The following MAP3K15 variants were observed in gnomAD, a reference collection of about 807,000 sequenced individuals.
MAP3K15 encodes the protein mitogen-activated protein kinase kinase kinase 15, also known as MAPK/ERK kinase kinase 15.
A neutral mutation model predicts 99.5 loss-of-function variants in MAP3K15; 124 were observed. The observed-to-expected ratio is 1.25, with a 90% CI of 1.08 to 1.45. The LOEUF is 1.45. Among genes scored for constraint, MAP3K15 ranks in the 40% most tolerant of loss-of-function variants. The pLI, the probability that MAP3K15 is intolerant of heterozygous loss-of-function variation, is 0.00. For missense variants in MAP3K15, 1,242 were observed against 1,079.7 expected, an observed-to-expected ratio of 1.15 and a Z score of -2.11; for synonymous variants, 494 against 439.6, an observed-to-expected ratio of 1.12 and a Z score of -1.55.
At chrX:19,496,806 C>T (rs758936472) in intron 1 of MAP3K15, 1 of 111,784 alleles carries the variant, frequency 8.9e-6, no homozygotes, top group Non-Finnish European at 1.9e-5. Context: ...AAGATCATCA[C>T]TAAGCATCCG....
intron 6 of MAP3K15, among the ~76,000 whole-genome samples, chrX:19,435,918 C>T (rs1367487284): frequency 3.6e-5 from 4 of 112,019 alleles, no homozygotes; most frequent in African/African-American, 1.3e-4. Context: ...CTTTGGGAGG[C>T]CAAGGCGGGC....
intron 18 of MAP3K15, among the ~76,000 whole-genome samples, chrX:19,386,184 C>T (rs1006136991): frequency 5.4e-5 from 6 of 111,672 alleles, no homozygotes; most frequent in Admixed American, 2.9e-4. Context: ...AGGCCAGGCA[C>T]GGTGGCTCAC....
At chrX:19,457,376 C>T (rs957760739) in intron 5 of MAP3K15, among the ~76,000 whole-genome samples, 1 of 111,726 alleles carries the variant, frequency 9.0e-6, no homozygotes, top group Non-Finnish European at 1.9e-5. Context: ...CTTTGAGAGG[C>T]GGAGGTGGGT....
chrX:19,366,255 C>T (rs2063334256), intron 25 of MAP3K15, among the ~76,000 whole-genome samples: 1 of 110,989 alleles, frequency 9.0e-6, no homozygotes, highest in Non-Finnish European at 1.9e-5. Flanking sequence ...AGTAGTCCTC[C>T]TTTTACGTTA....
intron 9 of MAP3K15, among the ~76,000 whole-genome samples, chrX:19,424,120 T>C (rs1190273593): frequency 9.1e-6 from 1 of 109,966 alleles, no homozygotes; most frequent in African/African-American, 3.3e-5. Context: ...ATCCTTTCAT[T>C]GTAATAAACC....
At chrX:19,445,249 G>A (rs912508552) in intron 6 of MAP3K15, among the ~76,000 whole-genome samples, 1 of 110,013 alleles carries the variant, frequency 9.1e-6, no homozygotes, top group Non-Finnish European at 1.9e-5. Context: ...TTTGGGGTGG[G>A]GGGAGACCTA....
chrX:19,368,860 T>A (rs973362263), intron 25 of MAP3K15, among the ~76,000 whole-genome samples, 194 bp downstream of exon 25: 4 of 108,192 alleles, frequency 3.7e-5, no homozygotes, highest in Non-Finnish European at 7.6e-5. Context: ...TTTTTTTTTT[T>A]AAAGGAAGGC....
At chrX:19,472,995 C>T (rs773871228) in intron 3 of MAP3K15, among the ~76,000 whole-genome samples, 146 of 112,234 alleles carry the variant, frequency 1.3e-3, no homozygotes, top group African/African-American at 4.6e-3. Flanking sequence ...AGGCAGAGCA[C>T]TAGCAGCAGA....
chrX:19,402,532 G>A (rs1025840547), intron 13 of MAP3K15, among the ~76,000 whole-genome samples: 2 of 111,456 alleles, frequency 1.8e-5, no homozygotes, highest in South Asian at 3.8e-4. Flanking sequence ...AATGTTCATA[G>A]TCATTTTCTT....
chrX:19,419,190 T>C (rs1691761645), intron 9 of MAP3K15, among the ~76,000 whole-genome samples: 1 of 111,094 alleles, frequency 9.0e-6, no homozygotes, highest in Non-Finnish European at 1.9e-5. Context: ...ACATAACAAT[T>C]TTAACCTTAA....
intron 3 of MAP3K15, among the ~76,000 whole-genome samples, chrX:19,465,318 T>C (rs2064158647): frequency 8.9e-6 from 1 of 111,922 alleles, no homozygotes; most frequent in African/African-American, 3.2e-5. Context: ...GTCAATGTTG[T>C]CTTAGACAAA....
chrX:19,491,325 T>C lies in MAP3K15; in HGVS notation c.362-2358A>G, dbSNP rs2064367181. ...ACCAGAAGGAAGGGGATGGTTAGGATCACCATGAGGGCAGCCAAAATAAGG... is the reference window on the plus strand; with the variant it reads ...ACCAGAAGGAAGGGGATGGTTAGGACCACCATGAGGGCAGCCAAAATAAGG... On this transcript the variant is annotated intron_variant, in intron 1 of 28. Transcript: ENST00000338883. Among the ~76,000 whole-genome samples, 5 of 110,757 alleles carry C rather than the reference T, an allele frequency of 4.5e-5. No homozygotes were observed. The Admixed American group carries it at 4.8e-4, about 11-fold the overall frequency.
chrX:19,482,192 A>G (rs2147391855), intron 3 of MAP3K15: 1 of 108,089 alleles, frequency 9.3e-6, no homozygotes, highest in East Asian at 2.9e-4. Context: ...AAAAAAAAAA[A>G]AAAAGCCTAT....
At chrX:19,460,174 A>C in intron 4 of MAP3K15, 21 bp from the exon 5 acceptor site, 1 of 1,123,794 alleles carries the variant, frequency 8.9e-7, no homozygotes, top group Non-Finnish European at 1.2e-6. Flanking sequence ...AAAAACACAA[A>C]ATCCTCCAGT....
Position 19,386,923 on chromosome X carries a change from G to C in MAP3K15, c.2431+5079C>G, listed in dbSNP as rs1180405718. 8.1e-5 allele frequency among the ~76,000 whole-genome samples: 9 copies of C among 111,409 alleles called. No homozygotes were observed. In the Admixed American group the frequency reaches 8.6e-4, roughly 11 times the overall value. ...CTGTCCCCAAAAGGGCGTGGGCCCA[G>C]GGCAACTCAAGCCACTCAATACCAA... On this transcript the variant is annotated intron_variant, in intron 18 of 28. Transcript: ENST00000338883.
rs1380348884 is a variant in MAP3K15 at position 19,411,151 on chromosome X, T to A, written c.1699-1178A>T. 2.8e-5 allele frequency among the ~76,000 whole-genome samples: 3 copies of A among 107,313 alleles called. No homozygotes were observed. In the East Asian group the frequency reaches 8.7e-4, roughly 31 times the overall value. The allele number at this position is 107,313 out of a possible 115,157, so 93.2% of individuals were successfully genotyped here. On this transcript the variant is annotated intron_variant, in intron 11 of 28. Coordinates refer to ENST00000338883, the MANE Select transcript of MAP3K15 (RefSeq NM_001001671.4). ...GTGAGCCAAAATCACTCCACTGCAC[T>A]CCAGCCTAGGTGACAGAATGAGACC...
chrX:19,413,677 T>TG (rs377184850), intron 10 of MAP3K15, among the ~76,000 whole-genome samples: 1,391 of 15,806 alleles, frequency 0.088, 127 homozygotes, highest in African/African-American at 0.26. Context: ...TGCCATCTCT[T>TG]GGGGGGGGGG....
At chrX:19,464,109 G>T in intron 4 of MAP3K15, 104 bp downstream of exon 4, 1 of 676,820 alleles carries the variant, frequency 1.5e-6, no homozygotes, top group Non-Finnish European at 2.2e-6. Context: ...GACAATAGTG[G>T]GTTCTCCAGC....
At chrX:19,468,493 G>C (rs1427406986) in intron 3 of MAP3K15, among the ~76,000 whole-genome samples, 1 of 112,019 alleles carries the variant, frequency 8.9e-6, no homozygotes, top group Non-Finnish European at 1.9e-5. Flanking sequence ...ACTTAACAGG[G>C]AGATCAGGGA....
Sources: gnomAD v4.1 joint callset for allele counts (sites outside exome capture counted in the v4.1 genomes callset) on GRCh38, gnomAD v4.1.1 for gene constraint, MANE v1.5 for transcripts, NCBI Gene and HGNC (gene_info 2026-07-23, HGNC 2026-07-21) for gene names.